Variants in COL23A1 observed in about 807,000 individuals in gnomAD.
COL23A1 encodes the protein collagen type XXIII alpha 1 chain.
Under a neutral mutation model 99.3 loss-of-function variants are expected in COL23A1, and 97 were observed. The ratio of observed to expected loss-of-function variants is 0.98; its 90% confidence interval spans 0.83 to 1.16. The LOEUF is 1.16. Ranked by LOEUF, COL23A1 falls within the 50% of genes most tolerant of loss-of-function variation. The probability of loss-of-function intolerance (pLI) is 0.00; values close to 1 mark genes in which losing one functional copy is unlikely to be tolerated. For synonymous variants in COL23A1, 320 were observed against 308.2 expected, an observed-to-expected ratio of 1.04 and a Z score of -0.40; for missense variants, 762 against 757.4, an observed-to-expected ratio of 1.01 and a Z score of -0.07.
intron 2 of COL23A1, chr5:178,344,988 T>C (rs576466851): frequency 1.5e-4 from 87 of 582,376 alleles, no homozygotes; most frequent in South Asian, 7.3e-5. Context: ...AAGGAACCTA[T>C]TGCAGTGTGT....
chr5:178,485,423 T>A (rs1329391887), intron 2 of COL23A1, among the ~76,000 whole-genome samples: 1 of 151,710 alleles, frequency 6.6e-6, no homozygotes. Context: ...TACCGTGACC[T>A]AGGATTGCAC....
At chr5:178,427,202 A>G (rs1452289209) in intron 2 of COL23A1, among the ~76,000 whole-genome samples, 2 of 152,230 alleles carry the variant, frequency 1.3e-5, no homozygotes, top group Non-Finnish European at 2.9e-5. Context: ...TCAAAAAATA[A>G]TAATAATGAT....
intron 2 of COL23A1, among the ~76,000 whole-genome samples, chr5:178,516,916 G>A (rs1412317161): frequency 6.6e-6 from 1 of 152,216 alleles, no homozygotes; most frequent in East Asian, 1.9e-4. Flanking sequence ...GTAGCTGGTG[G>A]GAGCGGGCTT....
At position 178,403,961 on chromosome 5, in the gene COL23A1, A is replaced by T. The variant is rs934551911; in HGVS notation, c.362-97042T>A. ...AACAAAAGCCTCAAAAGAATGACGG[A>T]TTTTTCTAAAGAGAAGTTCAAAGGA... On this transcript the variant is annotated intron_variant, in intron 2 of 28. Transcript: ENST00000390654. 5.3e-5 allele frequency among the ~76,000 whole-genome samples: 8 copies of T among 152,170 alleles called. No individual in the cohort carries two copies. In the East Asian group the frequency reaches 1.5e-3, roughly 29 times the overall value.
At position 178,417,629 on chromosome 5, in the gene COL23A1, C is replaced by T. The variant is rs865868830; in HGVS notation, c.362-110710G>A. ...GGAAATCCAACCCTCAACGATAAAG[C>T]GACATTTGAAAGAATGCTCAAGAAC... On this transcript the variant is annotated intron_variant, in intron 2 of 28. Coordinates refer to ENST00000390654, the MANE Select transcript of COL23A1 (RefSeq NM_173465.4). Among the ~76,000 whole-genome samples, 5 of 152,234 alleles carry T rather than the reference C, an allele frequency of 3.3e-5. No homozygotes were observed. In the South Asian group the frequency reaches 6.2e-4, roughly 19 times the overall value.
intron 2 of COL23A1, chr5:178,345,113 C>A (rs976285987): frequency 1.5e-5 from 9 of 599,850 alleles, no homozygotes; most frequent in African/African-American, 1.1e-4. Context: ...CGACATCTCC[C>A]AGGAAGATGG....
chr5:178,256,994 G>T (rs1305109960), intron 13 of COL23A1, 66 bp from the exon 14 acceptor site: 3 of 1,487,608 alleles, frequency 2.0e-6, no homozygotes, highest in Non-Finnish European at 2.8e-6. Context: ...CTTGGAGGGG[G>T]GCGTGCCTCG....
intron 3 of COL23A1, among the ~76,000 whole-genome samples, chr5:178,298,852 G>A (rs1004989854): frequency 2.0e-5 from 3 of 152,208 alleles, no homozygotes; most frequent in African/African-American, 7.2e-5. Context: ...GAGCCACTGT[G>A]CCTAGCCTGA....
chr5:178,361,851 A>G (rs11742660), intron 2 of COL23A1, among the ~76,000 whole-genome samples: 17,209 of 152,152 alleles, frequency 0.11, 1,142 homozygotes, highest in Middle Eastern at 0.27. Flanking sequence ...CAGCAAGACC[A>G]GTCAGCAGGC....
chr5:178,257,056 C>G, intron 13 of COL23A1, 128 bp from the exon 14 acceptor site: 2 of 798,018 alleles, frequency 2.5e-6, no homozygotes, highest in East Asian at 5.4e-5. Context: ...TTACTGAGTC[C>G]ATGGGGGGTG....
intron 2 of COL23A1, among the ~76,000 whole-genome samples, chr5:178,352,589 C>T (rs1379711155): frequency 6.6e-6 from 1 of 152,214 alleles, no homozygotes. Flanking sequence ...ACAGCAAAGA[C>T]AAACCTCTTT....
intron 2 of COL23A1, among the ~76,000 whole-genome samples, chr5:178,338,294 C>A (rs570553580): frequency 5.2e-4 from 79 of 152,292 alleles, no homozygotes; most frequent in African/African-American, 1.9e-3. Flanking sequence ...GGCCTGATCT[C>A]CAGGAAGTCC....
At chr5:178,521,409 C>T (rs766100710) in intron 2 of COL23A1, among the ~76,000 whole-genome samples, 6 of 152,064 alleles carry the variant, frequency 3.9e-5, no homozygotes, top group African/African-American at 9.7e-5. Context: ...AAAAATTAGC[C>T]GGGCGTGGTG....
chr5:178,308,925 TA>T lies in COL23A1; in HGVS notation c.362-2007del. On this transcript the variant is annotated intron_variant, in intron 2 of 28. Coordinates refer to ENST00000390654, the MANE Select transcript of COL23A1 (RefSeq NM_173465.4). This position sits in a 1 kb window ranked among gnomAD's most constrained non-coding sequence, Gnocchi z 5.1. ...ACGCAGCACCATGTTCCTCGGGCTG[TA>T]GGAGGAAGAAGGCCCAGTGGCCACC... 6.6e-6 allele frequency among the ~76,000 whole-genome samples: 1 copy of T among 151,980 alleles called. No individual in the cohort carries two copies. The highest frequency in any genetic ancestry group is 2.1e-4 in the South Asian group (1 of 4,800).
rs1757553127 is a variant in COL23A1 at position 178,293,157 on chromosome 5, G to A, written c.407-2788C>T. 2.0e-5 allele frequency among the ~76,000 whole-genome samples: 3 copies of A among 152,046 alleles called. 1 individual carries two copies. The highest frequency in any genetic ancestry group is 4.2e-4 in the South Asian group (2 of 4,816). On this transcript the variant is annotated intron_variant, in intron 3 of 28. Coordinates refer to ENST00000390654, the MANE Select transcript of COL23A1 (RefSeq NM_173465.4). The stretch of plus-strand genomic sequence containing the variant: ...GGGAGTGGGGCCTGGAGATGGATAT[G>A]GGTATTTCTTTAGGATGAGAGACAT...
At chr5:178,458,331 T>C (rs1755912895) in intron 2 of COL23A1, among the ~76,000 whole-genome samples, 2 of 151,394 alleles carry the variant, frequency 1.3e-5, no homozygotes, top group African/African-American at 4.9e-5. Flanking sequence ...GTAGAAGTAT[T>C]CCAGATAATA....
chr5:178,424,844 T>C (rs531779959), intron 2 of COL23A1, among the ~76,000 whole-genome samples: 40 of 152,232 alleles, frequency 2.6e-4, no homozygotes, highest in Non-Finnish European at 5.6e-4. Context: ...TTCAGTGTTA[T>C]CATGGGTGTA....
intron 2 of COL23A1, among the ~76,000 whole-genome samples, chr5:178,369,101 G>C (rs1343454328): frequency 6.6e-6 from 1 of 152,210 alleles, no homozygotes; most frequent in East Asian, 1.9e-4. Flanking sequence ...CCCTGGGGTG[G>C]GAGGCCGAAG....
chr5:178,257,593 C>T (rs1561796992), intron 12 of COL23A1, 26 bp from the exon 13 acceptor site: 1 of 1,551,744 alleles, frequency 6.4e-7, no homozygotes, highest in Non-Finnish European at 8.7e-7. Flanking sequence ...CTGGGGCTTG[C>T]CGGTCAGACC....
Sources: gnomAD v4.1 joint callset for allele counts (sites outside exome capture counted in the v4.1 genomes callset) on GRCh38, gnomAD v4.1.1 for gene constraint, Gnocchi (gnomAD v3.1) non-coding constraint, MANE v1.5 for transcripts, NCBI Gene and HGNC (gene_info 2026-07-23, HGNC 2026-07-21) for gene names.